The following SLC35F1 variants were observed in gnomAD, a reference collection of about 807,000 sequenced individuals.
The protein encoded by SLC35F1 is chromosome 6 open reading frame 169.
In SLC35F1, 14 loss-of-function variants were observed where a neutral mutation model predicts 48.7. The observed-to-expected ratio is 0.29, with a 90% CI of 0.19 to 0.45. The LOEUF is 0.45. SLC35F1 is among the 20% of genes least tolerant of loss of function. The probability of loss-of-function intolerance (pLI) is 1.00; values close to 1 mark genes in which losing one functional copy is unlikely to be tolerated. For missense variants in SLC35F1, 404 were observed against 500.0 expected, an observed-to-expected ratio of 0.81 and a Z score of 1.83; for synonymous variants, 190 against 202.2, an observed-to-expected ratio of 0.94 and a Z score of 0.51.
chr6:118,122,122 G>A (rs1463962206), intron 1 of SLC35F1, among the ~76,000 whole-genome samples: 1 of 152,106 alleles, frequency 6.6e-6, no homozygotes, highest in African/African-American at 2.4e-5. Context: ...CTCAACTGAT[G>A]CAAAATAATG....
intron 2 of SLC35F1, among the ~76,000 whole-genome samples, chr6:118,205,932 G>A (rs1774930284): frequency 6.6e-6 from 1 of 152,110 alleles, no homozygotes; most frequent in Admixed American, 6.6e-5. Flanking sequence ...ATATAGACTA[G>A]GTAAGTTCGC....
chr6:118,209,243 C>A (rs1415394830), intron 2 of SLC35F1, among the ~76,000 whole-genome samples: 2 of 152,174 alleles, frequency 1.3e-5, no homozygotes, highest in East Asian at 3.8e-4. Context: ...TCTGAAGGCT[C>A]CCATGCCACA....
intron 1 of SLC35F1, among the ~76,000 whole-genome samples, chr6:117,928,212 G>A (rs1776053544): frequency 6.6e-6 from 1 of 152,226 alleles, no homozygotes; most frequent in Admixed American, 6.5e-5. Context: ...AAATAAATGA[G>A]AGCGAATATA....
chr6:118,116,230 G>T (rs1382460904), intron 1 of SLC35F1, among the ~76,000 whole-genome samples: 1 of 152,160 alleles, frequency 6.6e-6, no homozygotes, highest in Non-Finnish European at 1.5e-5. Context: ...TGAAAGAGAG[G>T]CGACAAAAGA....
intron 2 of SLC35F1, among the ~76,000 whole-genome samples, chr6:118,187,078 G>A (rs1582719088): frequency 6.6e-6 from 1 of 152,010 alleles, no homozygotes; most frequent in Non-Finnish European, 1.5e-5. Context: ...TCATTTTCTT[G>A]TAATGTGTAC....
In SLC35F1 at chr6:117,907,767, C is replaced by G. The variant is rs759991380; in HGVS notation, c.41C>G (p.Pro14Arg). ...PEQPQQQLQP[P>R]SPAPPNHVVT... ...CAGCCGCAGCAGCAGCTGCAGCCGCCGTCGCCAGCCCCGCCGAACCATGTG... is the reference window on the plus strand; with the variant it reads ...CAGCCGCAGCAGCAGCTGCAGCCGCGGTCGCCAGCCCCGCCGAACCATGTG... Residue 14 changes from proline (P) to arginine (R), a missense_variant, in exon 1 of 8, where the codon CCG (proline) becomes CGG (arginine). Around this residue, in one of 2 missense-constraint regions of SLC35F1, gnomAD observed 98 missense variants for 81.0 expected, o/e 1.21. Transcript: ENST00000360388. 10 of 1,560,082 alleles carry G rather than the reference C, an allele frequency of 6.4e-6. No individual in the cohort carries two copies. Among genetic ancestry groups the G allele is most frequent in the Non-Finnish European group, 8.6e-6 (10 of 1,162,548 alleles).
intron 1 of SLC35F1, among the ~76,000 whole-genome samples, chr6:118,107,875 A>G (rs1187461561): frequency 1.3e-5 from 2 of 152,004 alleles, no homozygotes; most frequent in Non-Finnish European, 2.9e-5. Flanking sequence ...ATCTCTAATC[A>G]TTCCCTTAAA....
intron 1 of SLC35F1, among the ~76,000 whole-genome samples, chr6:118,151,825 C>T (rs1393815519): frequency 2.0e-5 from 3 of 152,068 alleles, no homozygotes; most frequent in Admixed American, 6.5e-5. Context: ...CCTTTAAAAT[C>T]GTTTGAGTTA....
intron 1 of SLC35F1, among the ~76,000 whole-genome samples, chr6:118,003,056 T>G (rs923246559): frequency 1.3e-5 from 2 of 152,200 alleles, no homozygotes; most frequent in African/African-American, 4.8e-5. Context: ...ATACATATAT[T>G]GCACTACTTA....
intron 1 of SLC35F1, among the ~76,000 whole-genome samples, chr6:118,026,711 C>T (rs9387540): frequency 0.86 from 130,418 of 152,178 alleles, 58,348 homozygotes; most frequent in Non-Finnish European, 0.98. Flanking sequence ...AGCATGAAGA[C>T]GGTTGAGAAC....
At position 118,317,212 on chromosome 6, in the gene SLC35F1, G is replaced by T. The variant is rs1776448606; in HGVS notation, c.*2960G>T. 6.6e-6 allele frequency: 1 copy of T among 152,392 alleles called. No individual in the cohort carries two copies. 9.4% of individuals were successfully genotyped at this position (152,392 alleles called of 1,614,324 possible). A position where few individuals can be genotyped will look rare whatever the true frequency, so the allele number is the denominator to read the frequency against. On this transcript the variant is annotated 3_prime_UTR_variant, in exon 8 of 8. Coordinates refer to ENST00000360388, the MANE Select transcript of SLC35F1 (RefSeq NM_001029858.4). ...GTTCTCACTTCCTCAATGAAAACTT[G>T]CACTGGGGACAGCGCTTGCCTTGGT...
chr6:118,002,164 C>T lies in SLC35F1; in HGVS notation c.173+94265C>T, dbSNP rs557986512. 9.8e-3 allele frequency among the ~76,000 whole-genome samples: 1,446 copies of T among 147,228 alleles called. 14 individuals are homozygous for T. The highest frequency in any genetic ancestry group is 0.034 in the African/African-American group (1,354 of 39,324). ...GACACATGCACACGTATGTTTATTG[C>T]GGCACTATTCACAATAGCAAAGACT... On this transcript the variant is annotated intron_variant, in intron 1 of 7. Transcript: ENST00000360388.
intron 1 of SLC35F1, among the ~76,000 whole-genome samples, chr6:118,056,055 T>C (rs1449438190): frequency 1.3e-5 from 2 of 152,326 alleles, no homozygotes; most frequent in East Asian, 3.9e-4. Flanking sequence ...ACAAGACAGG[T>C]CATTTAAAAC....
rs567155470 is a variant in SLC35F1, at chr6:117,959,524, C to T, written c.173+51625C>T. On this transcript the variant is annotated intron_variant, in intron 1 of 7. Transcript: ENST00000360388. Reference sequence around the variant, plus strand: ...CGTGTCATATCTGAGGGAAAGAAAACAATTCTAGCATCCAGAAATAGACAT... The same window carrying T: ...CGTGTCATATCTGAGGGAAAGAAAATAATTCTAGCATCCAGAAATAGACAT... 5.3e-5 allele frequency among the ~76,000 whole-genome samples: 8 copies of T among 152,202 alleles called. No homozygotes were observed. The South Asian group carries it at 1.5e-3, about 28-fold the overall frequency.
At chr6:118,066,734 G>A (rs1772619411) in intron 1 of SLC35F1, among the ~76,000 whole-genome samples, 1 of 148,048 alleles carries the variant, frequency 6.8e-6, no homozygotes, top group Admixed American at 6.7e-5. Flanking sequence ...ATCTAAGGCA[G>A]TAGTTCTTTT....
intron 1 of SLC35F1, among the ~76,000 whole-genome samples, chr6:118,131,639 G>T (rs1773713626): frequency 6.6e-6 from 1 of 151,918 alleles, no homozygotes; most frequent in Non-Finnish European, 1.5e-5. Flanking sequence ...TATAAGTTTT[G>T]CTCCCACTAT....
chr6:117,955,566 A>G (rs1776417760), intron 1 of SLC35F1, among the ~76,000 whole-genome samples: 1 of 152,222 alleles, frequency 6.6e-6, no homozygotes, highest in South Asian at 2.1e-4. Flanking sequence ...TTGATGCTCC[A>G]TGGTCAACAA....
chr6:117,979,397 G>A (rs1211885996), intron 1 of SLC35F1, among the ~76,000 whole-genome samples: 1 of 152,162 alleles, frequency 6.6e-6, no homozygotes, highest in Non-Finnish European at 1.5e-5. Flanking sequence ...TTTAACTGTG[G>A]TGTAAAGCAA....
intron 1 of SLC35F1, among the ~76,000 whole-genome samples, chr6:117,919,864 A>G (rs1437042597): frequency 2.6e-5 from 4 of 152,108 alleles, no homozygotes; most frequent in Non-Finnish European, 5.9e-5. Context: ...GCTCCGCGGT[A>G]CCTGTGGTTC....
Sources: allele counts gnomAD v4.1 joint callset (sites outside exome capture counted in the v4.1 genomes callset), GRCh38; gene constraint gnomAD v4.1.1; regional missense constraint gnomAD v4.1.1; transcripts MANE v1.5; gene names NCBI Gene and HGNC (gene_info 2026-07-23, HGNC 2026-07-21).